The following MALRD1 variants were observed in gnomAD, a reference collection of about 807,000 sequenced individuals.
MALRD1 encodes the protein MAM and LDL receptor class A domain containing 1.
Under a neutral mutation model 242.1 loss-of-function variants are expected in MALRD1, and 247 were observed. The observed-to-expected ratio is 1.02, with a 90% CI of 0.92 to 1.13. MALRD1 has a LOEUF of 1.13. Among genes scored for constraint, MALRD1 ranks in the 50% most tolerant of loss-of-function variants. The probability of loss-of-function intolerance (pLI) is 0.00; values close to 1 mark genes in which losing one functional copy is unlikely to be tolerated. For synonymous variants in MALRD1, 995 were observed against 866.6 expected (o/e 1.15, Z -2.60); for missense variants, 2,989 against 2,533.1 (o/e 1.18, Z -3.86).
intron 28 of MALRD1, among the ~76,000 whole-genome samples, chr10:19,419,069 A>G (rs1412851413): frequency 6.6e-6 from 1 of 152,156 alleles, no homozygotes; most frequent in Non-Finnish European, 1.5e-5. Context: ...TTCAGTATGC[A>G]CACCCTTCTC....
intron 1 of MALRD1, among the ~76,000 whole-genome samples, chr10:19,052,795 G>A (rs901949351): frequency 6.6e-6 from 1 of 152,138 alleles, no homozygotes; most frequent in South Asian, 2.1e-4. Flanking sequence ...CTGAAGCATA[G>A]GTTGTAACCC....
At chr10:19,612,375 G>A (rs1838940770) in intron 35 of MALRD1, among the ~76,000 whole-genome samples, 1 of 151,886 alleles carries the variant, frequency 6.6e-6, no homozygotes, top group South Asian at 2.1e-4. Flanking sequence ...GTTAAATAAG[G>A]AGGACTAAGG....
At chr10:19,176,839 TG>T (rs1448559337) in intron 14 of MALRD1, among the ~76,000 whole-genome samples, 7 of 145,274 alleles carry the variant, frequency 4.8e-5, no homozygotes, top group Non-Finnish European at 1.1e-4. Context: ...TGTGCATGCC[TG>T]TGTGTCTGTG....
At chr10:19,309,270 T>A (rs2131984296) in intron 21 of MALRD1, among the ~76,000 whole-genome samples, 1 of 151,630 alleles carries the variant, frequency 6.6e-6, no homozygotes, top group South Asian at 2.1e-4. Flanking sequence ...CCTTTACCTT[T>A]TATTCAGAGT....
At chr10:19,388,994 G>A (rs557638838) in intron 27 of MALRD1, among the ~76,000 whole-genome samples, 1 of 151,176 alleles carries the variant, frequency 6.6e-6, no homozygotes, top group Non-Finnish European at 1.5e-5. Context: ...CAATGTGCAA[G>A]AACAAAACTG....
At chr10:19,454,089 A>T (rs1835485247) in intron 29 of MALRD1, among the ~76,000 whole-genome samples, 1 of 152,034 alleles carries the variant, frequency 6.6e-6, no homozygotes, top group South Asian at 2.1e-4. Flanking sequence ...TTCTGGAAAG[A>T]TGGCAATTGT....
intron 38 of MALRD1, among the ~76,000 whole-genome samples, chr10:19,719,211 T>C (rs562899344): frequency 0.027 from 582 of 21,416 alleles, 13 homozygotes; most frequent in Non-Finnish European, 0.033. Flanking sequence ...TATATATATA[T>C]ACACATACAT....
intron 35 of MALRD1, among the ~76,000 whole-genome samples, chr10:19,610,606 G>T (rs568244421): frequency 5.3e-5 from 8 of 152,032 alleles, no homozygotes; most frequent in Admixed American, 5.3e-4. Flanking sequence ...ACTTATCTGG[G>T]ACAGTACATA....
At position 19,428,690 on chromosome 10, in the gene MALRD1, GA is replaced by G. The variant is rs147908151; in HGVS notation, c.4846-21608del. Among the ~76,000 whole-genome samples the G allele has an allele frequency of 1.7e-4, 26 of 149,708 alleles. 1 individual carries two copies. In the East Asian group the frequency reaches 1.8e-3, roughly 10 times the overall value. On this transcript the variant is annotated intron_variant, in intron 28 of 39. Coordinates refer to ENST00000454679, the MANE Select transcript of MALRD1 (RefSeq NM_001142308.3). ...CAATCATTTGAAATGTCAAAAATTT[GA>G]AAAAAAAATCAGGTAATAGAAAAGT...
At chr10:19,290,396 G>T (rs1420142793) in intron 21 of MALRD1, 1 of 152,160 alleles carries the variant, frequency 6.6e-6, no homozygotes, top group Non-Finnish European at 1.5e-5. Context: ...TGCTCAGCAG[G>T]GCTCAACTGA....
intron 36 of MALRD1, among the ~76,000 whole-genome samples, chr10:19,644,465 A>G (rs1005519570): frequency 3.3e-5 from 5 of 152,280 alleles, no homozygotes; most frequent in Admixed American, 6.5e-5. Context: ...TGCTTTGGTT[A>G]CGGTCATCAG....
intron 28 of MALRD1, among the ~76,000 whole-genome samples, chr10:19,434,529 C>T (rs1282115746): frequency 1.3e-5 from 2 of 151,762 alleles, no homozygotes; most frequent in Non-Finnish European, 1.5e-5. Flanking sequence ...TATAACTTTT[C>T]TATTACTCAA....
At chr10:19,328,253 G>A (rs965086173) in intron 23 of MALRD1, among the ~76,000 whole-genome samples, 4 of 152,134 alleles carry the variant, frequency 2.6e-5, no homozygotes, top group Admixed American at 6.6e-5. Context: ...GTGCTGAAAT[G>A]TTTGGCACAA....
intron 18 of MALRD1, among the ~76,000 whole-genome samples, chr10:19,228,260 A>G (rs1423808445): frequency 6.6e-6 from 1 of 152,208 alleles, no homozygotes; most frequent in Non-Finnish European, 1.5e-5. Flanking sequence ...AGTGAATATC[A>G]AAAGCATTAT....
intron 9 of MALRD1, among the ~76,000 whole-genome samples, chr10:19,134,720 G>C (rs138020515): frequency 6.6e-6 from 1 of 152,152 alleles, no homozygotes; most frequent in African/African-American, 2.4e-5. Flanking sequence ...TAACTTCTCA[G>C]GTACTAAACA....
chr10:19,478,991 T>C (rs1836865494), intron 29 of MALRD1, among the ~76,000 whole-genome samples: 1 of 152,232 alleles, frequency 6.6e-6, no homozygotes, highest in African/African-American at 2.4e-5. Flanking sequence ...ACAAATAGCA[T>C]GTTTAGAATG....
intron 4 of MALRD1, among the ~76,000 whole-genome samples, chr10:19,099,980 C>T (rs1222915609): frequency 6.6e-6 from 1 of 152,010 alleles, no homozygotes; most frequent in Non-Finnish European, 1.5e-5. Context: ...AGGTTAGTCT[C>T]GAACTCCTGA....
intron 36 of MALRD1, among the ~76,000 whole-genome samples, chr10:19,689,289 T>G (rs1842726806): frequency 6.6e-6 from 1 of 152,050 alleles, no homozygotes; most frequent in Non-Finnish European, 1.5e-5. Flanking sequence ...GTAAAAGTAG[T>G]AGGAGGAGAC....
intron 33 of MALRD1, among the ~76,000 whole-genome samples, chr10:19,593,005 TAAA>T (rs3069581): frequency 2.1e-4 from 30 of 144,412 alleles, no homozygotes; most frequent in African/African-American, 5.8e-4. Context: ...ATAAAATACT[TAAA>T]AAAAAAAAAA....
Sources: gnomAD v4.1 joint callset for allele counts (sites outside exome capture counted in the v4.1 genomes callset) on GRCh38, gnomAD v4.1.1 for gene constraint, MANE v1.5 for transcripts, NCBI Gene and HGNC (gene_info 2026-07-23, HGNC 2026-07-21) for gene names.